The following SGCD variants were observed in gnomAD, a reference collection of about 807,000 sequenced individuals.
The protein encoded by SGCD is delta-sarcoglycan.
In SGCD, 18 loss-of-function variants were observed where a neutral mutation model predicts 36.6. That is an observed-to-expected ratio of 0.49 (90% CI 0.34 to 0.73). The LOEUF (loss-of-function observed/expected upper bound fraction) is 0.73. SGCD is among the 30% of genes least tolerant of loss of function. The pLI is 0.01. For missense variants in SGCD, 387 were observed against 346.7 expected, an observed-to-expected ratio of 1.12 and a Z score of -0.92; for synonymous variants, 133 against 130.6, an observed-to-expected ratio of 1.02 and a Z score of -0.12.
intron 3 of SGCD, among the ~76,000 whole-genome samples, chr5:156,318,995 A>C (rs997725797): frequency 6.6e-6 from 1 of 152,128 alleles, no homozygotes; most frequent in African/African-American, 2.4e-5. Context: ...CTGTCTCTTT[A>C]TGCTTTTTAT....
intron 7 of SGCD, among the ~76,000 whole-genome samples, chr5:156,672,439 GC>G (rs1384941746): frequency 6.6e-6 from 1 of 152,062 alleles, no homozygotes; most frequent in Admixed American, 6.6e-5. Context: ...CCTGAGTGCA[GC>G]CCCACCAGAT....
At chr5:156,141,839 C>T (rs1762589214) in intron 3 of SGCD, among the ~76,000 whole-genome samples, 1 of 152,110 alleles carries the variant, frequency 6.6e-6, no homozygotes, top group Non-Finnish European at 1.5e-5. Context: ...AGAAGTATAC[C>T]TCATATGCAA....
chr5:156,467,121 G>A (rs1754753430), intron 3 of SGCD, among the ~76,000 whole-genome samples: 1 of 152,112 alleles, frequency 6.6e-6, no homozygotes. Context: ...GAACAAATGG[G>A]GAAGGCTGTG....
chr5:155,839,725 A>G, the SGCD span, among the ~76,000 whole-genome samples: 7 of 152,130 alleles, frequency 4.6e-5, no homozygotes, highest in African/African-American at 1.7e-4. Context: ...AAAGCTTTCT[A>G]ATTAGAGCGG....
chr5:156,284,287 A>G lies in SGCD; in HGVS notation c.-43-45247A>G, dbSNP rs567971696. Among the ~76,000 whole-genome samples the G allele has an allele frequency of 3.0e-4, 45 of 152,310 alleles. No individual in the cohort carries two copies. The South Asian group carries it at 3.1e-3, about 11-fold the overall frequency. ...ATTCCTTCTGAAACTATTCCAATCA[A>G]TAGAAAAAGAGAGAATCCTCCCTAA... On this transcript the variant is annotated intron_variant, in intron 3 of 9. Transcript: ENST00000517913.
chr5:156,028,441 A>G (rs1209421257), intron 1 of SGCD, among the ~76,000 whole-genome samples: 4 of 152,270 alleles, frequency 2.6e-5, no homozygotes, highest in Non-Finnish European at 1.5e-5. Flanking sequence ...TGGGCCAGTT[A>G]TTTACCCTCT....
At chr5:156,047,646 G>A (rs543293821) in intron 1 of SGCD, among the ~76,000 whole-genome samples, 6 of 152,008 alleles carry the variant, frequency 3.9e-5, no homozygotes, top group Non-Finnish European at 7.4e-5. Context: ...TTACAGCTTG[G>A]GGGGGAAAAA....
chr5:155,863,351 T>G, the SGCD span, among the ~76,000 whole-genome samples: 1 of 152,162 alleles, frequency 6.6e-6, no homozygotes. Flanking sequence ...ATGTGTTGAC[T>G]TTTAAATGAC....
chr5:155,970,473 C>A (rs1757986411), intron 1 of SGCD, among the ~76,000 whole-genome samples: 1 of 152,114 alleles, frequency 6.6e-6, no homozygotes, highest in South Asian at 2.1e-4. Context: ...GTAAACACAG[C>A]AAATTATCTG....
At chr5:155,756,449 T>C in the SGCD span, among the ~76,000 whole-genome samples, 1 of 152,144 alleles carries the variant, frequency 6.6e-6, no homozygotes, top group Non-Finnish European at 1.5e-5. Flanking sequence ...TTCTTCCTCT[T>C]CCCATCACAT....
At chr5:156,390,797 A>G (rs1208585176) in intron 3 of SGCD, among the ~76,000 whole-genome samples, 1 of 152,206 alleles carries the variant, frequency 6.6e-6, no homozygotes, top group African/African-American at 2.4e-5. Context: ...TAAGGGTATA[A>G]AGAAAGAAAA....
intron 3 of SGCD, among the ~76,000 whole-genome samples, chr5:156,500,543 G>A (rs1336777276): frequency 6.6e-6 from 1 of 152,182 alleles, no homozygotes; most frequent in African/African-American, 2.4e-5. Context: ...GTCCAATGCT[G>A]ATGCAGGGGG....
At chr5:156,084,832 G>A (rs1002365500) in intron 1 of SGCD, among the ~76,000 whole-genome samples, 5 of 152,126 alleles carry the variant, frequency 3.3e-5, no homozygotes, top group African/African-American at 7.2e-5. Flanking sequence ...AGGTTTTTCC[G>A]TGGATTCCTT....
intron 3 of SGCD, among the ~76,000 whole-genome samples, chr5:156,129,895 G>A (rs915175974): frequency 2.6e-5 from 4 of 152,076 alleles, no homozygotes; most frequent in Non-Finnish European, 5.9e-5. Context: ...TGCCATTGAT[G>A]GGCATTTAGG....
the SGCD span, among the ~76,000 whole-genome samples, chr5:155,756,294 A>G: frequency 6.6e-6 from 1 of 152,266 alleles, no homozygotes; most frequent in African/African-American, 2.4e-5. Context: ...GATTATCCAT[A>G]GGGTCCAACT....
At chr5:155,792,950 C>T in the SGCD span, among the ~76,000 whole-genome samples, 2 of 152,290 alleles carry the variant, frequency 1.3e-5, no homozygotes, top group African/African-American at 4.8e-5. Context: ...GACACATGCA[C>T]TTGTATGTTT....
chr5:155,868,113 G>A (rs888472791), upstream of SGCD, among the ~76,000 whole-genome samples: 5 of 151,754 alleles, frequency 3.3e-5, no homozygotes, highest in African/African-American at 7.3e-5. Context: ...GTGCAGTGGT[G>A]CGATCATGAC....
At chr5:156,000,958 C>T (rs1361490650) in intron 1 of SGCD, among the ~76,000 whole-genome samples, 1 of 152,110 alleles carries the variant, frequency 6.6e-6, no homozygotes, top group Non-Finnish European at 1.5e-5. Context: ...GAGGATGAGG[C>T]CTAGGAATCC....
intron 3 of SGCD, among the ~76,000 whole-genome samples, chr5:156,481,068 T>C (rs1358736789): frequency 6.6e-6 from 1 of 152,218 alleles, no homozygotes; most frequent in African/African-American, 2.4e-5. Context: ...ATCTGACAAA[T>C]CAAGAGCACA....
Sources: gnomAD v4.1 joint callset for allele counts (sites outside exome capture counted in the v4.1 genomes callset) on GRCh38, gnomAD v4.1.1 for gene constraint, MANE v1.5 for transcripts, NCBI Gene and HGNC (gene_info 2026-07-23, HGNC 2026-07-21) for gene names.